IQCJ: variants seen among roughly 807,000 people sequenced by gnomAD.
The protein encoded by IQCJ is IQ motif containing J, also known as IQ domain-containing protein J.
Under a neutral mutation model 11.0 loss-of-function variants are expected in IQCJ, and 9 were observed. The ratio of observed to expected loss-of-function variants is 0.82; its 90% CI spans 0.49 to 1.43. The LOEUF (loss-of-function observed/expected upper bound fraction) is 1.43, where lower values mean the gene tolerates loss of function less well. IQCJ is among the 40% of genes most tolerant of loss of function. The pLI is 0.00. For missense variants in IQCJ, 146 were observed against 133.2 expected, an observed-to-expected ratio of 1.10 and a Z score of -0.47; for synonymous variants, 55 against 51.3, an observed-to-expected ratio of 1.07 and a Z score of -0.31.
At chr3:159,236,671 C>T (rs188321175) in intron 1 of IQCJ, among the ~76,000 whole-genome samples, 1 of 152,212 alleles carries the variant, frequency 6.6e-6, no homozygotes, top group African/African-American at 2.4e-5. Context: ...GCATCAGAAT[C>T]ACTTAATGTG....
chr3:159,077,172 C>T (rs1437161374), intron 1 of IQCJ, among the ~76,000 whole-genome samples: 2 of 152,032 alleles, frequency 1.3e-5, no homozygotes, highest in Non-Finnish European at 2.9e-5. Flanking sequence ...TGATAGTATC[C>T]ATCTTAGTTT....
At chr3:159,235,431 C>T (rs1277251736) in intron 1 of IQCJ, among the ~76,000 whole-genome samples, 3 of 152,222 alleles carry the variant, frequency 2.0e-5, no homozygotes, top group East Asian at 3.9e-4. Flanking sequence ...GTTTTGAGAC[C>T]ATGTACTACT....
chr3:159,195,829 T>C (rs1723952243), intron 1 of IQCJ, among the ~76,000 whole-genome samples: 1 of 152,220 alleles, frequency 6.6e-6, no homozygotes, highest in Non-Finnish European at 1.5e-5. Context: ...TGATGGGTCC[T>C]CAGTAGCAGA....
At chr3:159,211,526 C>G (rs986430672) in intron 1 of IQCJ, among the ~76,000 whole-genome samples, 3 of 152,120 alleles carry the variant, frequency 2.0e-5, no homozygotes. Context: ...CCACACAGAA[C>G]AAAATTTAGA....
chr3:159,122,738 A>G (rs921183961), intron 1 of IQCJ, among the ~76,000 whole-genome samples: 1 of 152,252 alleles, frequency 6.6e-6, no homozygotes, highest in African/African-American at 2.4e-5. Context: ...TTATTCTACA[A>G]AAGCCATTTC....
At chr3:159,171,075 C>T (rs1392702074) in intron 1 of IQCJ, among the ~76,000 whole-genome samples, 1 of 152,012 alleles carries the variant, frequency 6.6e-6, no homozygotes, top group Admixed American at 6.6e-5. Context: ...CATCCAAACC[C>T]CATCTTTAAA....
intron 1 of IQCJ, among the ~76,000 whole-genome samples, chr3:159,164,250 T>A (rs1480732339): frequency 1.3e-5 from 2 of 152,164 alleles, no homozygotes; most frequent in Non-Finnish European, 2.9e-5. Context: ...TTTGCTACAA[T>A]AAGAAACTCT....
At chr3:159,253,735 G>T (rs1727736622) in intron 3 of IQCJ, among the ~76,000 whole-genome samples, 1 of 152,092 alleles carries the variant, frequency 6.6e-6, no homozygotes, top group Non-Finnish European at 1.5e-5. Flanking sequence ...TTTTTAACGT[G>T]CAAGGAGGAA....
intron 1 of IQCJ, among the ~76,000 whole-genome samples, chr3:159,167,624 A>G (rs780851994): frequency 8.5e-5 from 13 of 152,232 alleles, no homozygotes; most frequent in African/African-American, 1.2e-4. Flanking sequence ...AGATGGAAGA[A>G]AGTATTTTCA....
intron 1 of IQCJ, among the ~76,000 whole-genome samples, chr3:159,133,181 C>T (rs1720093920): frequency 6.6e-6 from 1 of 152,176 alleles, no homozygotes; most frequent in African/African-American, 2.4e-5. Flanking sequence ...GCCCAGGACA[C>T]ATGTGGTTCT....
chr3:159,149,435 G>A (rs1721086062), intron 1 of IQCJ, among the ~76,000 whole-genome samples: 1 of 152,120 alleles, frequency 6.6e-6, no homozygotes, highest in Non-Finnish European at 1.5e-5. Context: ...TGTCTTTTTT[G>A]CTGGCCTTTT....
intron 1 of IQCJ, among the ~76,000 whole-genome samples, chr3:159,132,680 C>T (rs1318932684): frequency 2.0e-5 from 3 of 152,146 alleles, no homozygotes; most frequent in African/African-American, 7.2e-5. Context: ...GTGTGAGGCT[C>T]AAATTTAGGA....
At chr3:159,091,924 A>G (rs1164524349) in intron 1 of IQCJ, among the ~76,000 whole-genome samples, 2 of 151,920 alleles carry the variant, frequency 1.3e-5, no homozygotes, top group African/African-American at 4.9e-5. Context: ...GGAATAATAG[A>G]ATTAGATAAT....
chr3:159,125,093 G>A (rs1285139402), intron 1 of IQCJ, among the ~76,000 whole-genome samples: 2 of 152,160 alleles, frequency 1.3e-5, no homozygotes, highest in African/African-American at 2.4e-5. Flanking sequence ...ATTTGATAGT[G>A]TAGAAACCTG....
chr3:159,110,090 G>A (rs1191098197), intron 1 of IQCJ, among the ~76,000 whole-genome samples: 1 of 152,124 alleles, frequency 6.6e-6, no homozygotes, highest in Non-Finnish European at 1.5e-5. Context: ...ACTATTTATA[G>A]CTTTCTATAG....
chr3:159,174,325 T>C (rs1323233367), intron 1 of IQCJ, among the ~76,000 whole-genome samples: 1 of 152,156 alleles, frequency 6.6e-6, no homozygotes, highest in Non-Finnish European at 1.5e-5. Context: ...GTTTTTAACC[T>C]ATATTATATG....
intron 1 of IQCJ, among the ~76,000 whole-genome samples, chr3:159,224,283 T>C (rs1725717605): frequency 6.6e-6 from 1 of 152,088 alleles, no homozygotes; most frequent in Admixed American, 6.5e-5. Context: ...TAATAGTAAT[T>C]AGAAATACCC....
chr3:159,246,880 G>A (rs1727303800), intron 2 of IQCJ, among the ~76,000 whole-genome samples: 1 of 152,104 alleles, frequency 6.6e-6, no homozygotes, highest in African/African-American at 2.4e-5. Flanking sequence ...GATATATGGA[G>A]AAACAGCATT....
chr3:159,220,875 C>T (rs1480601224), intron 1 of IQCJ, among the ~76,000 whole-genome samples: 1 of 152,140 alleles, frequency 6.6e-6, no homozygotes, highest in African/African-American at 2.4e-5. Context: ...CCAAAGTTTT[C>T]TGTCCTCTGG....
Sources: allele counts gnomAD v4.1 joint callset (sites outside exome capture counted in the v4.1 genomes callset), GRCh38; gene constraint gnomAD v4.1.1; transcripts MANE v1.5; gene names NCBI Gene and HGNC (gene_info 2026-07-23, HGNC 2026-07-21).